Variants in FLG2 observed in about 807,000 individuals in gnomAD.
FLG2 encodes filaggrin-2.
In FLG2, 7 loss-of-function variants were observed where a neutral mutation model predicts 3.9. That is an observed-to-expected ratio of 1.79 (90% CI 1.02 to 3.36). The LOEUF is 3.36. Ranked by LOEUF, FLG2 falls within the 30% of genes most tolerant of loss-of-function variation. FLG2 has a pLI of 0.00. For synonymous variants in FLG2, 1,031 were observed against 1,056.1 expected (o/e 0.98, Z 0.46); for missense variants, 2,700 against 2,809.4 (o/e 0.96, Z 0.88).
intron 2 of FLG2, among the ~76,000 whole-genome samples, 193 bp downstream of exon 2, chr1:152,358,554 G>A (rs1654335880): frequency 6.6e-6 from 1 of 152,158 alleles, no homozygotes; most frequent in Non-Finnish European, 1.5e-5. Context: ...TGCATAGGTG[G>A]AAAAGTGAGG....
chr1:152,352,308 G>T lies in FLG2; in HGVS notation c.5478C>A (p.His1826Gln). ...SQRPHSRGHT[H>Q]GQAGSQHGES... ...CTCCATGTTGAGATCCAGCCTGGCC[G>T]TGAGTGTGTCCTCGTGAGTGTGGTC... Residue 1826 changes from histidine (H) to glutamine (Q), a missense_variant, in exon 3 of 3, where the codon CAC becomes CAA. Physicochemically the swap from His to Gln is conservative, Grantham distance 24. Coordinates refer to ENST00000388718, the MANE Select transcript of FLG2 (RefSeq NM_001014342.3). 1.2e-6 allele frequency: 2 copies of T among 1,610,564 alleles called. No individual in the cohort carries two copies. The highest frequency in any genetic ancestry group is 1.7e-6 in the Non-Finnish European group (2 of 1,178,904).
In FLG2 at chr1:152,355,606, C is replaced by T. The variant is rs1470147167; in HGVS notation, c.2180G>A (p.Gly727Asp). 3 of 1,613,234 alleles carry T rather than the reference C, an allele frequency of 1.9e-6. No homozygotes were observed. The highest frequency in any genetic ancestry group is 2.5e-6 in the Non-Finnish European group (3 of 1,179,900). ...ATGTTGGCCAAAGCTGGAAGACTGA[C>T]CTGAGCTTAACTCGTGTTGTCCAAA... ...SGFGQHELSS[G>D]QSSSFGQHGS... Residue 727 changes from glycine to aspartate, a missense_variant, in exon 3 of 3, where the codon GGT becomes GAT. Transcript: ENST00000388718.
At position 152,350,368 on chromosome 1, in the gene FLG2, G is replaced by T; in HGVS notation, c.*242C>A. On this transcript the variant is annotated 3_prime_UTR_variant, in exon 3 of 3. Coordinates refer to ENST00000388718, the MANE Select transcript of FLG2 (RefSeq NM_001014342.3). ...AAGGTGGTCATTTGACTGGCTATGT[G>T]TACATCCCTCCCTTCTGGCTGTGTT... The T allele has an allele frequency of 1.8e-6, 1 of 557,310 alleles. No homozygotes were observed. The highest frequency in any genetic ancestry group is 3.1e-5 in the East Asian group (1 of 31,756). 34.5% of individuals were successfully genotyped at this position (557,310 alleles called of 1,614,324 possible). A position where few individuals can be genotyped will look rare whatever the true frequency, so the allele number is the denominator to read the frequency against.
Position 152,350,775 on chromosome 1 carries a change from C to T in FLG2, c.7011G>A (p.Arg2337=), listed in dbSNP as rs1300329759. 3.7e-6 allele frequency: 6 copies of T among 1,614,064 alleles called. No homozygotes were observed. The highest frequency in any genetic ancestry group is 5.1e-6 in the Non-Finnish European group (6 of 1,180,040). ...HFQSHSSERQ[R]HGSSQVWKHG... ...GTTTCCAAACCTGACTTGATCCATG[C>T]CTTTGCCTTTCACTACTATGTGACT... Residue 2337 remains arginine, a synonymous_variant, in exon 3 of 3, where the codon AGG becomes AGA. Transcript: ENST00000388718.
rs759377545 is a variant in FLG2, at chr1:152,351,196, G to A, written c.6590C>T (p.Ser2197Leu). 25 of 1,613,694 alleles carry A rather than the reference G, an allele frequency of 1.5e-5. No homozygotes were observed. Among genetic ancestry groups the A allele is most frequent in the African/African-American group, 4.0e-5 (3 of 74,792 alleles). The change falls in exon 3 of 3, where the codon TCA (serine) becomes TTA (leucine). Residue 2197 changes from serine to leucine, a missense_variant. Physicochemically the swap from Ser to Leu is moderately radical, Grantham distance 145. Transcript: ENST00000388718. ...EVHSEASPTH[S>L]GHTHSQAGSR... Reference sequence around the variant, plus strand: ...TCCGGCTTGGCTGTGAGTGTGTCCTGAATGTGTGGGTGAGGCCTCTGAGTG... The same window carrying A: ...TCCGGCTTGGCTGTGAGTGTGTCCTAAATGTGTGGGTGAGGCCTCTGAGTG...
chr1:152,352,871 T>G lies in FLG2; in HGVS notation c.4915A>C (p.Thr1639Pro). 4 of 1,613,802 alleles carry G rather than the reference T, an allele frequency of 2.5e-6. No homozygotes were observed. The highest frequency in any genetic ancestry group is 3.4e-6 in the Non-Finnish European group (4 of 1,179,942). Residue 1639 changes from threonine to proline, a missense_variant, in exon 3 of 3, where the codon ACA becomes CCA. Thr to Pro is a conservative substitution (Grantham distance 38). Transcript: ENST00000388718. The part of the protein sequence containing the change: ...GHSHSGHGQS[T>P]QRGSRTTGRQ... ...CCAGTTGTCCTGGACCCTCTCTGTG[T>G]GGACTGTCCATGACCAGAGTGGGAA...
rs1017785385 is a variant in FLG2, at chr1:152,349,009, A to AG, written c.*1600_*1601insC. On this transcript the variant is annotated 3_prime_UTR_variant, in exon 3 of 3. Coordinates refer to ENST00000388718, the MANE Select transcript of FLG2 (RefSeq NM_001014342.3). ...TTTGTCAATAATTAATTAAAACAAA[A>AG]TCTGGAAAATCCAAATTTTGAAATT... is the stretch of plus-strand genomic sequence containing the variant. 1.3e-5 allele frequency: 2 copies of AG among 152,232 alleles called. No homozygotes were observed. Among genetic ancestry groups the AG allele is most frequent in the African/African-American group, 4.8e-5 (2 of 41,458 alleles). 9.4% of individuals were successfully genotyped at this position (152,232 alleles called of 1,614,324 possible).
In FLG2 at chr1:152,358,875, G is replaced by T. The variant is rs1420487265; in HGVS notation, c.10C>A (p.Leu4Ile). The change falls in exon 2 of 3, where the codon CTC becomes ATC. Residue 4 changes from leucine (L) to isoleucine (I), a missense_variant. By Grantham distance (5) the Leu-to-Ile change is conservative (BLOSUM62 2). Coordinates refer to ENST00000388718, the MANE Select transcript of FLG2 (RefSeq NM_001014342.3). MTD[L>I]LRSVVTVIDV... is the part of the protein sequence containing the mutation. ...ATTACGGTGACAACACTTCTCAAGAGGTCGGTCATCTTTTTGCAAGTTTAA... is the reference window on the plus strand; with the variant it reads ...ATTACGGTGACAACACTTCTCAAGATGTCGGTCATCTTTTTGCAAGTTTAA... 5.6e-6 allele frequency: 9 copies of T among 1,611,640 alleles called. No individual in the cohort carries two copies. Among genetic ancestry groups the T allele is most frequent in the Admixed American group, 1.7e-5 (1 of 59,552 alleles).
In FLG2 at chr1:152,354,182, A is replaced by G. The variant is rs759863677; in HGVS notation, c.3604T>C (p.Ser1202Pro). The G allele has an allele frequency of 6.2e-7, 1 of 1,614,182 alleles. No individual in the cohort carries two copies. The highest frequency in any genetic ancestry group is 2.2e-5 in the East Asian group (1 of 44,884). ...GAACCATATTGGCCAAATCCAGTGG[A>G]CTGACCTGAGTCAGATATATGTTGT... The part of the protein sequence containing the change: ...SGQHISDSGQ[S>P]TGFGQYGSGS... The change falls in exon 3 of 3, where the codon TCC (serine) becomes CCC (proline). Residue 1202 changes from serine (S) to proline (P), a missense_variant. Transcript: ENST00000388718.
chr1:152,352,834 G>A lies in FLG2; in HGVS notation c.4952C>T (p.Ser1651Phe). ...ACTGTCACTGGACTCACTGTGGCTAGATCTCTGTCTTCCAGTTGTCCTGGA... is the reference window on the plus strand; with the variant it reads ...ACTGTCACTGGACTCACTGTGGCTAAATCTCTGTCTTCCAGTTGTCCTGGA... ...RGSRTTGRQR[S>F]SHSESSDSEV... Residue 1651 changes from serine to phenylalanine, a missense_variant, in exon 3 of 3, where the codon TCT (serine) becomes TTT (phenylalanine). By Grantham distance (155) the Ser-to-Phe change is radical (BLOSUM62 -2). Coordinates refer to ENST00000388718, the MANE Select transcript of FLG2 (RefSeq NM_001014342.3). The A allele has an allele frequency of 6.2e-7, 1 of 1,613,788 alleles. No individual in the cohort carries two copies. Among genetic ancestry groups the A allele is most frequent in the Non-Finnish European group, 8.5e-7 (1 of 1,179,928 alleles).
rs1654018377 is a variant in FLG2, at chr1:152,353,026, C to T, written c.4760G>A (p.Gly1587Glu). The T allele has an allele frequency of 1.2e-6, 2 of 1,613,196 alleles. No homozygotes were observed. The highest frequency in any genetic ancestry group is 1.7e-6 in the Non-Finnish European group (2 of 1,179,882). Residue 1587 changes from glycine (G) to glutamate (E), a missense_variant, in exon 3 of 3, where the codon GGG becomes GAG. Physicochemically the swap from Gly to Glu is moderately conservative, Grantham distance 98 (BLOSUM62 -2). Coordinates refer to ENST00000388718, the MANE Select transcript of FLG2 (RefSeq NM_001014342.3). ...TCGTGAGTGTGGTCTGTGTGAGCCC[C>T]CTGAGTGCACTTCACTGTCAGTGGA... ...SESTDSEVHS[G>E]GSHRPHSREH...
chr1:152,352,362 G>A lies in FLG2; in HGVS notation c.5424C>T (p.Asp1808=). ...GTGAGAACCCTGAGTGCCCTTCACTGTCACTGTACTCACTGTGGCCAGATG... is the reference window on the plus strand; with the variant it reads ...GTGAGAACCCTGAGTGCCCTTCACTATCACTGTACTCACTGTGGCCAGATG... ...RRSSGHSEYS[D]SEGHSGFSQR... The change falls in exon 3 of 3, where the codon GAC becomes GAT. Residue 1808 remains aspartate (D), a synonymous_variant. Transcript: ENST00000388718. 6.2e-7 allele frequency: 1 copy of A among 1,613,812 alleles called. No individual in the cohort carries two copies. The highest frequency in any genetic ancestry group is 1.1e-5 in the South Asian group (1 of 91,050).
In FLG2 at chr1:152,353,231, C is replaced by G; in HGVS notation, c.4555G>C (p.Gly1519Arg). 6.4e-7 allele frequency: 1 copy of G among 1,563,110 alleles called. No homozygotes were observed. The highest frequency in any genetic ancestry group is 8.7e-7 in the Non-Finnish European group (1 of 1,155,062). The change falls in exon 3 of 3, where the codon GGA (glycine) becomes CGA (arginine). Residue 1519 changes from glycine (G) to arginine (R), a missense_variant. Physicochemically the swap from Gly to Arg is moderately radical, Grantham distance 125. Coordinates refer to ENST00000388718, the MANE Select transcript of FLG2 (RefSeq NM_001014342.3). The part of the protein sequence containing the change: ...VHSGGSHTHS[G>R]HTHGQSGSQH... ...GATCCACTTTGGCCGTGAGTGTGTC[C>G]TGAATGTGTGTGCGAGCCCCCTGAG...
chr1:152,351,227 C>G lies in FLG2; in HGVS notation c.6559G>C (p.Glu2187Gln). 6.2e-7 allele frequency: 1 copy of G among 1,613,560 alleles called. No homozygotes were observed. Among genetic ancestry groups the G allele is most frequent in the Non-Finnish European group, 8.5e-7 (1 of 1,179,918 alleles). ...GTGGGTGAGGCCTCTGAGTGCACTT[C>G]ACTATCACTGGACTCACTGTGACTA... ...RSSHSESSDS[E>Q]VHSEASPTHS... Residue 2187 changes from glutamate (E) to glutamine (Q), a missense_variant, in exon 3 of 3, where the codon GAA becomes CAA. Coordinates refer to ENST00000388718, the MANE Select transcript of FLG2 (RefSeq NM_001014342.3).
At position 152,355,260 on chromosome 1, in the gene FLG2, C is replaced by T; in HGVS notation, c.2526G>A (p.Gln842=). ...GFGQHESRSH[Q]SSYGQHGSGS... ...CAGAACCATGTTGGCCATAGCTGGACTGATGTGATCTAGACTCATGCTGTC... is the reference window on the plus strand; with the variant it reads ...CAGAACCATGTTGGCCATAGCTGGATTGATGTGATCTAGACTCATGCTGTC... The change falls in exon 3 of 3, where the codon CAG becomes CAA. Residue 842 remains glutamine, a synonymous_variant. Transcript: ENST00000388718. 6.2e-7 allele frequency: 1 copy of T among 1,611,814 alleles called. No homozygotes were observed.
Position 152,353,711 on chromosome 1 carries a change from C to T in FLG2, c.4075G>A (p.Val1359Ile). The T allele has an allele frequency of 6.2e-7, 1 of 1,614,076 alleles. No individual in the cohort carries two copies. Among genetic ancestry groups the T allele is most frequent in the Non-Finnish European group, 8.5e-7 (1 of 1,179,990 alleles). ...TCTTGTGAGTGTGGTCTATGTGAGA[C>T]CCCTGAGTGCACTTCACTGTCAGTG... ...DATDSEVHSG[V>I]SHRPHSQEQT... The change falls in exon 3 of 3, where the codon GTC (valine) becomes ATC (isoleucine). Residue 1359 changes from valine (V) to isoleucine (I), a missense_variant. Val to Ile is a conservative substitution (Grantham distance 29). Transcript: ENST00000388718.
In FLG2 at chr1:152,356,391, G is replaced by A. The variant is rs1654232615; in HGVS notation, c.1395C>T (p.Gly465=). The change falls in exon 3 of 3, where the codon GGC becomes GGT. Residue 465 remains glycine (G), a synonymous_variant. Transcript: ENST00000388718. Reference sequence around the variant, plus strand: ...CTGAGCTAGACCCATGCTGGTCATAGCCCAAGGATTGACTTGATGTAGACT... The same window carrying A: ...CTGAGCTAGACCCATGCTGGTCATAACCCAAGGATTGACTTGATGTAGACT... ...QHESTSSQSL[G]YDQHGSSSGK... is the part of the protein sequence containing the mutation. The A allele has an allele frequency of 1.9e-6, 3 of 1,614,052 alleles. No homozygotes were observed. The highest frequency in any genetic ancestry group is 1.3e-5 in the African/African-American group (1 of 74,930).
rs143575562 is a variant in FLG2 at position 152,353,827 on chromosome 1, T to A, written c.3959A>T (p.Asp1320Val). ...ACCAGAATGGCCATGTCTAGTGGTA[T>A]CTCCTCTCTGTCCATGAGTAGTTCC... ...RQGTTHGQRG[D>V]TTRHGHSGHG... The change falls in exon 3 of 3, where the codon GAT (aspartate) becomes GTT (valine). Residue 1320 changes from aspartate to valine, a missense_variant. Transcript: ENST00000388718. The A allele has an allele frequency of 4.0e-4, 638 of 1,614,178 alleles. No individual in the cohort carries two copies. Among genetic ancestry groups the A allele is most frequent in the Non-Finnish European group, 5.2e-4 (615 of 1,180,004 alleles).
chr1:152,351,125 T>A lies in FLG2; in HGVS notation c.6661A>T (p.Thr2221Ser), dbSNP rs1258662370. 6.2e-7 allele frequency: 1 copy of A among 1,613,690 alleles called. No homozygotes were observed. The highest frequency in any genetic ancestry group is 1.3e-5 in the African/African-American group (1 of 74,778). Residue 2221 changes from threonine to serine, a missense_variant, in exon 3 of 3, where the codon ACT becomes TCT. By Grantham distance (58) the Thr-to-Ser change is moderately conservative (BLOSUM62 1). Coordinates refer to ENST00000388718, the MANE Select transcript of FLG2 (RefSeq NM_001014342.3). ...SGSSGHGRQGTTHGQTGDTTR... is the reference protein window; with the variant it reads ...SGSSGHGRQGSTHGQTGDTTR... ...GTATCTCCTGTCTGTCCATGAGTAG[T>A]TCCCTGTCTCCCATGACCTGAGGAT...
Sources: gnomAD v4.1 joint callset for allele counts (sites outside exome capture counted in the v4.1 genomes callset) on GRCh38, gnomAD v4.1.1 for gene constraint, MANE v1.5 for transcripts, NCBI Gene and HGNC (gene_info 2026-07-23, HGNC 2026-07-21) for gene names.